CNTNAP3: variants seen among roughly 807,000 people sequenced by gnomAD.
The protein encoded by CNTNAP3 is contactin-associated protein-like 3.
In CNTNAP3, 36 loss-of-function variants were observed where a neutral mutation model predicts 92.1. The ratio of observed to expected loss-of-function variants is 0.39; its 90% CI spans 0.30 to 0.52. The LOEUF (loss-of-function observed/expected upper bound fraction) is 0.52, where lower values mean the gene tolerates loss of function less well. CNTNAP3 is among the 20% of genes least tolerant of loss of function. The pLI is 0.76. For missense variants in CNTNAP3, 534 were observed against 1,069.6 expected (o/e 0.50, Z 6.98); for synonymous variants, 232 against 422.3 (o/e 0.55, Z 5.53).
At chr9:39,111,226 A>G (rs1228973520) in intron 14 of CNTNAP3, among the ~76,000 whole-genome samples, 1 of 152,148 alleles carries the variant, frequency 6.6e-6, no homozygotes, top group African/African-American at 2.4e-5. Flanking sequence ...CCAATAAATT[A>G]CTGTTAACTA....
intron 12 of CNTNAP3, 35 bp from the exon 13 acceptor site, chr9:39,133,170 G>GGCGGC: frequency 6.4e-7 from 1 of 1,553,734 alleles, no homozygotes; most frequent in Non-Finnish European, 8.7e-7. Context: ...GGCATCACTG[G>GGCGGC]ACGGCAGAGG....
chr9:39,095,441 A>T (rs2778234), intron 18 of CNTNAP3, among the ~76,000 whole-genome samples: 4 of 150,170 alleles, frequency 2.7e-5, no homozygotes, highest in African/African-American at 9.7e-5. Flanking sequence ...TATGATGTTA[A>T]TTGCAGGTTT....
chr9:39,103,598 A>G, intron 16 of CNTNAP3, 146 bp downstream of exon 16: 1 of 1,091,022 alleles, frequency 9.2e-7, no homozygotes, highest in South Asian at 1.8e-5. Context: ...TCAAAAAAAA[A>G]AAAATTACCT....
At chr9:39,088,961 T>C (rs1826129748) in intron 18 of CNTNAP3, among the ~76,000 whole-genome samples, 1 of 152,276 alleles carries the variant, frequency 6.6e-6, no homozygotes, top group East Asian at 1.9e-4. Context: ...AATTTATAGG[T>C]GACTTATCTC....
At chr9:39,091,788 T>C (rs1826209682) in intron 18 of CNTNAP3, among the ~76,000 whole-genome samples, 1 of 151,872 alleles carries the variant, frequency 6.6e-6, no homozygotes, top group Non-Finnish European at 1.5e-5. Context: ...CTTATTTAAA[T>C]AGTTGATATA....
chr9:39,117,057 A>T (rs1229357717), intron 14 of CNTNAP3, among the ~76,000 whole-genome samples: 1 of 151,882 alleles, frequency 6.6e-6, no homozygotes, highest in Non-Finnish European at 1.5e-5. Flanking sequence ...CAGTGGCGCG[A>T]TCTCGGCTCA....
In CNTNAP3 at chr9:39,129,172, C is replaced by A. The variant is rs1177758234; in HGVS notation, c.2080+3760G>T. 3.3e-5 allele frequency among the ~76,000 whole-genome samples: 5 copies of A among 152,132 alleles called. No homozygotes were observed. The East Asian group carries it at 9.6e-4, about 29-fold the overall frequency. Reference sequence around the variant, plus strand: ...CAAAATTTATACAGAATGAGGCAAGCTACAGACTTACTTAAACAATCTTGA... The same window carrying A: ...CAAAATTTATACAGAATGAGGCAAGATACAGACTTACTTAAACAATCTTGA... On this transcript the variant is annotated intron_variant, in intron 13 of 23. Transcript: ENST00000297668.
chr9:39,077,205 T>C (rs1252750421), intron 23 of CNTNAP3, among the ~76,000 whole-genome samples: 4 of 152,294 alleles, frequency 2.6e-5, no homozygotes, highest in African/African-American at 7.2e-5. Flanking sequence ...CTGCACAACA[T>C]TGTAAATGTC....
intron 21 of CNTNAP3, among the ~76,000 whole-genome samples, chr9:39,083,335 G>GT (rs1825989632): frequency 6.6e-6 from 1 of 151,868 alleles, no homozygotes; most frequent in Non-Finnish European, 1.5e-5. Context: ...TTTGCACTCT[G>GT]TTTTTTTGAT....
At position 39,099,998 on chromosome 9, in the gene CNTNAP3, G is replaced by A. The variant is rs546554958; in HGVS notation, c.2908C>T (p.Arg970Cys). The change falls in exon 18 of 24, where the codon CGC becomes TGC. Residue 970 changes from arginine to cysteine, a missense_variant. Coordinates refer to ENST00000297668, the MANE Select transcript of CNTNAP3 (RefSeq NM_033655.5). ...GHCSTYGHLCRNGGRCREKRR... is the reference protein window; with the variant it reads ...GHCSTYGHLCCNGGRCREKRR... ...TTCTCTCTGCATCTCCCTCCATTGC[G>A]ACACAAGTGTCCATAGGTGCTGCAG... The A allele has an allele frequency of 1.3e-5, 21 of 1,592,450 alleles. No homozygotes were observed. Among genetic ancestry groups the A allele is most frequent in the East Asian group, 1.1e-4 (5 of 44,066 alleles).
At chr9:39,131,403 T>C (rs1821290209) in intron 13 of CNTNAP3, among the ~76,000 whole-genome samples, 1 of 152,140 alleles carries the variant, frequency 6.6e-6, no homozygotes, top group South Asian at 2.1e-4. Flanking sequence ...ACTTCAAACT[T>C]TGAATGCAAC....
In CNTNAP3 at chr9:39,068,103, G is replaced by A. The variant is rs924644396; in HGVS notation, c.*5787C>T. On this transcript the variant is annotated 3_prime_UTR_variant, in exon 24 of 24. Coordinates refer to ENST00000297668, the MANE Select transcript of CNTNAP3 (RefSeq NM_033655.5). ...CTAAAGAGATATGCAGTGCATGTGC[G>A]ATATTAAAATTTCAGGGCGGGCGCA... 1.3e-5 allele frequency among the ~76,000 whole-genome samples: 2 copies of A among 152,306 alleles called. No homozygotes were observed. Among genetic ancestry groups the A allele is most frequent in the Admixed American group, 6.5e-5 (1 of 15,294 alleles).
intron 15 of CNTNAP3, among the ~76,000 whole-genome samples, chr9:39,108,450 C>T (rs914451959): frequency 3.9e-5 from 6 of 152,150 alleles, no homozygotes; most frequent in African/African-American, 9.7e-5. Flanking sequence ...TGGTGAACCA[C>T]CTCTCTCAGA....
chr9:39,072,866 A>C lies in CNTNAP3; in HGVS notation c.*1024T>G, dbSNP rs1295786549. On this transcript the variant is annotated 3_prime_UTR_variant, in exon 24 of 24. Transcript: ENST00000297668. Reference sequence around the variant, plus strand: ...CATATCAGTAACAACTTTTAGAAAAAGAAATGAATGATAAAGAAAAACAGA... The same window carrying C: ...CATATCAGTAACAACTTTTAGAAAACGAAATGAATGATAAAGAAAAACAGA... 1 of 152,988 alleles carries C rather than the reference A, an allele frequency of 6.5e-6. No individual in the cohort carries two copies. The highest frequency in any genetic ancestry group is 2.4e-5 in the African/African-American group (1 of 41,476). 9.5% of individuals were successfully genotyped at this position (152,988 alleles called of 1,614,324 possible).
At chr9:39,095,514 T>C (rs898112666) in intron 18 of CNTNAP3, among the ~76,000 whole-genome samples, 5 of 147,588 alleles carry the variant, frequency 3.4e-5, no homozygotes, top group Non-Finnish European at 6.0e-5. Flanking sequence ...TTGAGTGTTT[T>C]TGTTTTTCAA....
chr9:39,140,504 C>A lies in CNTNAP3; in HGVS notation c.1876+15G>T. The A allele has an allele frequency of 6.2e-7, 1 of 1,612,910 alleles. No homozygotes were observed. The highest frequency in any genetic ancestry group is 1.3e-5 in the African/African-American group (1 of 74,956). On this transcript the variant is annotated intron_variant, in intron 12 of 23. Coordinates refer to ENST00000297668, the MANE Select transcript of CNTNAP3 (RefSeq NM_033655.5). ...GGTCTATTCTGATATATGCATATAA[C>A]GATTATCAACATACCTGTCATATTG...
rs1161622096 is a variant in CNTNAP3, at chr9:39,065,451, C to A, written c.*8439G>T. Among the ~76,000 whole-genome samples, 9 of 151,842 alleles carry A rather than the reference C, an allele frequency of 5.9e-5. No individual in the cohort carries two copies. The East Asian group carries it at 1.7e-3, about 29-fold the overall frequency. On this transcript the variant is annotated 3_prime_UTR_variant, in exon 24 of 24. Transcript: ENST00000297668. ...ATGCTATAAACGTTCTTGTGTAAGT[C>A]TTATAATGGGCATAAGTTTTCATTT...
At chr9:39,133,239 T>G (rs1821347921) in intron 12 of CNTNAP3, 104 bp from the exon 13 acceptor site, 1 of 1,372,054 alleles carries the variant, frequency 7.3e-7, no homozygotes, top group Non-Finnish European at 1.0e-6. Flanking sequence ...TAATTGAAAT[T>G]TACATTACTG....
At chr9:39,116,825 A>C (rs994751551) in intron 14 of CNTNAP3, among the ~76,000 whole-genome samples, 1 of 152,112 alleles carries the variant, frequency 6.6e-6, no homozygotes, top group Non-Finnish European at 1.5e-5. Context: ...AATATTTTTT[A>C]AAGTGATGCA....
Sources: allele counts gnomAD v4.1 joint callset (sites outside exome capture counted in the v4.1 genomes callset), GRCh38; gene constraint gnomAD v4.1.1; transcripts MANE v1.5; gene names NCBI Gene and HGNC (gene_info 2026-07-23, HGNC 2026-07-21).